Variants in GLIS3 observed in about 807,000 individuals in gnomAD.
GLIS3 encodes the protein zinc finger protein GLIS3.
GLIS3 carries 53 observed loss-of-function variants against 78.6 expected under a neutral mutation model. The ratio of observed to expected loss-of-function variants is 0.67; its 90% CI spans 0.54 to 0.85. The LOEUF (loss-of-function observed/expected upper bound fraction) is 0.85, where lower values mean the gene tolerates loss of function less well. Ranked by LOEUF, GLIS3 falls within the 40% of genes least tolerant of loss-of-function variation. The probability of loss-of-function intolerance (pLI) is 0.00; values close to 1 mark genes in which losing one functional copy is unlikely to be tolerated. For missense variants in GLIS3, 1,703 were observed against 1,231.1 expected (o/e 1.38, Z -5.74); for synonymous variants, 684 against 509.9 (o/e 1.34, Z -4.60).
At chr9:4,336,635 G>A (rs139435543) in intron 2 of GLIS3, among the ~76,000 whole-genome samples, 241 of 152,310 alleles carry the variant, frequency 1.6e-3, no homozygotes, top group African/African-American at 5.7e-3. Context: ...ACCAGTAAGC[G>A]ACAGAACTAG....
chr9:3,874,585 T>TGG (rs969035325), intron 8 of GLIS3, among the ~76,000 whole-genome samples: 23 of 152,162 alleles, frequency 1.5e-4, no homozygotes, highest in African/African-American at 5.5e-4. Context: ...GCATCAGAAG[T>TGG]GGGGGGCAGT....
At chr9:4,094,296 G>A (rs547264298) in intron 4 of GLIS3, among the ~76,000 whole-genome samples, 2 of 152,354 alleles carry the variant, frequency 1.3e-5, no homozygotes, top group South Asian at 2.1e-4. Context: ...TTGGTGAGAT[G>A]TAGGAGAAAT....
At chr9:4,404,619 C>A in the GLIS3 span, among the ~76,000 whole-genome samples, 744 of 152,226 alleles carry the variant, frequency 4.9e-3, 6 homozygotes, top group African/African-American at 0.017. Context: ...CCTGAATGAC[C>A]TGTGAGTCAG....
the GLIS3 span, among the ~76,000 whole-genome samples, chr9:4,429,747 C>T: frequency 6.6e-6 from 1 of 152,016 alleles, no homozygotes; most frequent in Non-Finnish European, 1.5e-5. Context: ...AAGTGCTCAA[C>T]GTAATTTAAA....
intron 1 of GLIS3, 74 bp from the exon 2 acceptor site, chr9:4,286,597 T>C (rs549353140): frequency 1.3e-4 from 99 of 752,724 alleles, no homozygotes; most frequent in Non-Finnish European, 1.9e-4. Flanking sequence ...TTTCAACCTG[T>C]GTATCATTCA....
At chr9:4,430,032 C>CAAAA in the GLIS3 span, among the ~76,000 whole-genome samples, 1 of 151,472 alleles carries the variant, frequency 6.6e-6, no homozygotes, top group African/African-American at 2.4e-5. Flanking sequence ...TTCTATTAAA[C>CAAAA]AAACAAACAA....
chr9:4,346,295 A>T (rs1817896220), intron 2 of GLIS3, among the ~76,000 whole-genome samples: 1 of 152,182 alleles, frequency 6.6e-6, no homozygotes, highest in African/African-American at 2.4e-5. Context: ...GATGCAGCCT[A>T]GCTTTCAACA....
chr9:4,168,443 G>A (rs1816074998), intron 2 of GLIS3, among the ~76,000 whole-genome samples: 2 of 152,088 alleles, frequency 1.3e-5, no homozygotes, highest in Non-Finnish European at 2.9e-5. Flanking sequence ...TGTATCATAT[G>A]CAAAGAAATG....
At chr9:4,315,443 TTAATAA>T (rs1214208961) in intron 2 of GLIS3, among the ~76,000 whole-genome samples, 5 of 152,320 alleles carry the variant, frequency 3.3e-5, no homozygotes, top group South Asian at 4.1e-4. Flanking sequence ...TGCTCTCCAT[TTAATAA>T]TAAGTTTAAA....
At chr9:4,049,532 T>C (rs1825537642) in intron 4 of GLIS3, among the ~76,000 whole-genome samples, 1 of 152,166 alleles carries the variant, frequency 6.6e-6, no homozygotes, top group South Asian at 2.1e-4. Flanking sequence ...ACTGAGCTAT[T>C]CGTAGTCTGA....
At chr9:3,867,665 C>T (rs1310293846) in intron 8 of GLIS3, among the ~76,000 whole-genome samples, 2 of 152,078 alleles carry the variant, frequency 1.3e-5, no homozygotes, top group Non-Finnish European at 1.5e-5. Context: ...TGCCTCTGTA[C>T]TGCTCACAAC....
upstream of GLIS3, among the ~76,000 whole-genome samples, chr9:4,302,391 G>C (rs937063377): frequency 3.3e-5 from 5 of 152,180 alleles, no homozygotes; most frequent in Non-Finnish European, 5.9e-5. Context: ...CTCCAGTCCA[G>C]TTCTCATTCA....
At chr9:3,979,387 C>T (rs1819051554) in intron 4 of GLIS3, among the ~76,000 whole-genome samples, 1 of 152,204 alleles carries the variant, frequency 6.6e-6, no homozygotes, top group African/African-American at 2.4e-5. Flanking sequence ...GACTAACATC[C>T]TTCATGTTGT....
At chr9:3,891,572 C>T (rs1001037438) in intron 7 of GLIS3, among the ~76,000 whole-genome samples, 1 of 152,104 alleles carries the variant, frequency 6.6e-6, no homozygotes. Flanking sequence ...TGTGGTGGCA[C>T]ATACCTGAAG....
At chr9:4,224,392 G>A (rs75977320) in intron 2 of GLIS3, among the ~76,000 whole-genome samples, 1 of 152,226 alleles carries the variant, frequency 6.6e-6, no homozygotes, top group Non-Finnish European at 1.5e-5. Flanking sequence ...AAAGGTGTAT[G>A]AATGTTTACC....
chr9:4,325,057 A>T (rs1178522101), intron 2 of GLIS3, among the ~76,000 whole-genome samples: 1 of 152,164 alleles, frequency 6.6e-6, no homozygotes, highest in Non-Finnish European at 1.5e-5. Flanking sequence ...CCACAGAATC[A>T]CTCAGAAATT....
chr9:4,395,257 A>T, the GLIS3 span, among the ~76,000 whole-genome samples: 2 of 152,224 alleles, frequency 1.3e-5, no homozygotes, highest in African/African-American at 4.8e-5. Flanking sequence ...AGTATAATAT[A>T]AATGTATTCA....
chr9:4,452,411 T>C, the GLIS3 span, among the ~76,000 whole-genome samples: 1 of 152,166 alleles, frequency 6.6e-6, no homozygotes, highest in Non-Finnish European at 1.5e-5. Flanking sequence ...CATGATTGTA[T>C]ATTTAGGAAA....
chr9:3,994,573 A>G (rs1820591271), intron 4 of GLIS3, among the ~76,000 whole-genome samples: 1 of 152,214 alleles, frequency 6.6e-6, no homozygotes, highest in Non-Finnish European at 1.5e-5. Context: ...GAGTTTTTGC[A>G]TAACTTGCCT....
Sources: gnomAD v4.1 joint callset for allele counts (sites outside exome capture counted in the v4.1 genomes callset) on GRCh38, gnomAD v4.1.1 for gene constraint, MANE v1.5 for transcripts, NCBI Gene and HGNC (gene_info 2026-07-23, HGNC 2026-07-21) for gene names.